Variants in OTUD7A observed in about 807,000 individuals in gnomAD.
OTUD7A encodes OTU domain-containing protein 7A.
Under a neutral mutation model 65.7 loss-of-function variants are expected in OTUD7A, and 12 were observed. The ratio of observed to expected loss-of-function variants is 0.18; its 90% confidence interval spans 0.12 to 0.30. The LOEUF is 0.30. OTUD7A is among the 10% of genes least tolerant of loss of function. OTUD7A has a pLI of 1.00. For missense variants in OTUD7A, 1,148 were observed against 1,304.8 expected (o/e 0.88, Z 1.85); for synonymous variants, 641 against 586.3 (o/e 1.09, Z -1.35).
At chr15:31,527,459 C>T in intron 6 of OTUD7A, 151 bp from the exon 7 acceptor site, 3 of 1,037,968 alleles carry the variant, frequency 2.9e-6, no homozygotes, top group East Asian at 2.6e-5. Context: ...AATTCCCCTC[C>T]AGCCTTCTTC....
chr15:31,638,388 T>C (rs1891405122), intron 3 of OTUD7A, among the ~76,000 whole-genome samples: 1 of 150,924 alleles, frequency 6.6e-6, no homozygotes, highest in Non-Finnish European at 1.5e-5. Context: ...CTTTTTTTTT[T>C]TTTTTTTTTG....
intron 1 of OTUD7A, among the ~76,000 whole-genome samples, chr15:31,808,642 G>A (rs1325846831): frequency 1.3e-5 from 2 of 152,198 alleles, no homozygotes; most frequent in Non-Finnish European, 2.9e-5. Context: ...CATGACATCA[G>A]TTCTGCTTCA....
intron 3 of OTUD7A, among the ~76,000 whole-genome samples, chr15:31,639,285 C>G (rs1472247436): frequency 2.0e-5 from 3 of 151,634 alleles, no homozygotes; most frequent in African/African-American, 7.3e-5. Context: ...TGTCTCACTT[C>G]TTTCACTTCA....
chr15:31,561,278 GC>G (rs1369981975), intron 4 of OTUD7A, among the ~76,000 whole-genome samples: 1 of 152,250 alleles, frequency 6.6e-6, no homozygotes, highest in African/African-American at 2.4e-5. Flanking sequence ...GTCCTTGAGT[GC>G]AGGAGCAGTG....
chr15:31,549,457 C>T (rs143685907), intron 5 of OTUD7A, among the ~76,000 whole-genome samples: 146 of 152,200 alleles, frequency 9.6e-4, no homozygotes, highest in African/African-American at 3.2e-3. Flanking sequence ...CCTGTGACTC[C>T]GACGGGATGT....
intron 10 of OTUD7A, among the ~76,000 whole-genome samples, chr15:31,492,582 C>CAAA (rs60414638): frequency 8.2e-6 from 1 of 121,660 alleles, no homozygotes; most frequent in Admixed American, 8.4e-5. Context: ...GACTCTGTCT[C>CAAA]AAAAAAAAAA....
rs185816350 is a variant in OTUD7A at position 31,762,908 on chromosome 15, C to T, written c.-99-105831G>A. The stretch of plus-strand genomic sequence containing the variant: ...AAGAGAAAAACAACATATGCTACTC[C>T]GAGACGACAAAAATATTGGCAAAAG... On this transcript the variant is annotated intron_variant, in intron 1 of 12. Coordinates refer to ENST00000307050, the MANE Select transcript of OTUD7A (RefSeq NM_001382637.1). Among the ~76,000 whole-genome samples, 10 of 152,190 alleles carry T rather than the reference C, an allele frequency of 6.6e-5. No homozygotes were observed. In the East Asian group the frequency reaches 1.4e-3, roughly 21 times the overall value.
intron 1 of OTUD7A, among the ~76,000 whole-genome samples, chr15:31,847,886 G>A (rs1897325943): frequency 6.6e-6 from 1 of 152,124 alleles, no homozygotes; most frequent in Admixed American, 6.5e-5. Context: ...AGCAAAGGGG[G>A]AAGGAAGTGC....
intron 1 of OTUD7A, among the ~76,000 whole-genome samples, chr15:31,745,776 A>G (rs751747232): frequency 6.6e-6 from 1 of 152,198 alleles, no homozygotes; most frequent in Non-Finnish European, 1.5e-5. Context: ...AATATTCACA[A>G]GACAGACTTG....
rs376299049 is a variant in OTUD7A, at chr15:31,542,853, AT to A, written c.551-12046del. The stretch of plus-strand genomic sequence containing the variant: ...AAAAAAAAAATCTTCAATGTGCTGA[AT>A]GAAAATAACTGGCAATCTATAATAC... On this transcript the variant is annotated intron_variant, in intron 5 of 12. Coordinates refer to ENST00000307050, the MANE Select transcript of OTUD7A (RefSeq NM_001382637.1). 2.6e-4 allele frequency among the ~76,000 whole-genome samples: 40 copies of A among 151,958 alleles called. No individual in the cohort carries two copies. In the East Asian group the frequency reaches 6.4e-3, roughly 24 times the overall value.
chr15:31,789,551 A>AC (rs1895759122), intron 1 of OTUD7A, among the ~76,000 whole-genome samples: 1 of 152,218 alleles, frequency 6.6e-6, no homozygotes, highest in South Asian at 2.1e-4. Context: ...TTGAGGCTCA[A>AC]CATCGTGCCA....
chr15:31,805,974 G>A (rs1896259640), intron 1 of OTUD7A, among the ~76,000 whole-genome samples: 1 of 152,140 alleles, frequency 6.6e-6, no homozygotes. Flanking sequence ...ACATTTTAAG[G>A]GGGTTTCTAT....
intron 1 of OTUD7A, among the ~76,000 whole-genome samples, chr15:31,860,644 T>TATATATATATATATATATATATATA (rs1897699787): frequency 8.6e-6 from 1 of 115,720 alleles, no homozygotes; most frequent in Non-Finnish European, 1.9e-5. Context: ...TATATATATA[T>TATATATATATATATATATATATATA]GTATGTATGT....
At chr15:31,870,089 G>A (rs1897985985) in intron 1 of OTUD7A, among the ~76,000 whole-genome samples, 1 of 150,236 alleles carries the variant, frequency 6.7e-6, no homozygotes, top group South Asian at 2.1e-4. Flanking sequence ...CCGTCTGCAA[G>A]AGCCGCGGGA....
chr15:31,596,872 C>T (rs773075624), intron 3 of OTUD7A, among the ~76,000 whole-genome samples: 3 of 152,036 alleles, frequency 2.0e-5, no homozygotes, highest in Admixed American at 6.6e-5. Flanking sequence ...TACAAGTGCT[C>T]TATCAGATAC....
intron 1 of OTUD7A, among the ~76,000 whole-genome samples, chr15:31,665,936 C>T (rs985454373): frequency 3.3e-5 from 5 of 151,968 alleles, no homozygotes; most frequent in African/African-American, 1.2e-4. Context: ...GTTCCAAATT[C>T]TGTTTGTGTG....
At chr15:31,538,429 A>G (rs997132215) in intron 5 of OTUD7A, among the ~76,000 whole-genome samples, 2 of 152,150 alleles carry the variant, frequency 1.3e-5, no homozygotes, top group Non-Finnish European at 2.9e-5. Context: ...ACACTGCAGG[A>G]CCTTCAATAA....
intron 1 of OTUD7A, among the ~76,000 whole-genome samples, chr15:31,795,816 T>C (rs1895936573): frequency 6.6e-6 from 1 of 152,112 alleles, no homozygotes; most frequent in South Asian, 2.1e-4. Context: ...AGTTTCCTCT[T>C]TGTAAAGTGA....
At chr15:31,659,820 C>T (rs1892107641) in intron 1 of OTUD7A, among the ~76,000 whole-genome samples, 2 of 152,220 alleles carry the variant, frequency 1.3e-5, no homozygotes. Context: ...GATGATACAG[C>T]ACACTGAACA....
Sources: gnomAD v4.1 joint callset for allele counts (sites outside exome capture counted in the v4.1 genomes callset) on GRCh38, gnomAD v4.1.1 for gene constraint, MANE v1.5 for transcripts, NCBI Gene and HGNC (gene_info 2026-07-23, HGNC 2026-07-21) for gene names.